Variants in CAMKMT observed in about 807,000 individuals in gnomAD.
CAMKMT encodes CaM KMT.
CAMKMT carries 53 observed loss-of-function variants against 48.0 expected under a neutral mutation model. The ratio of observed to expected loss-of-function variants is 1.10; its 90% CI spans 0.89 to 1.39. The LOEUF (loss-of-function observed/expected upper bound fraction) is 1.39, where lower values mean the gene tolerates loss of function less well. Ranked by LOEUF, CAMKMT falls within the 40% of genes most tolerant of loss-of-function variation. The pLI is 0.00. For synonymous variants in CAMKMT, 165 were observed against 152.3 expected (o/e 1.08, Z -0.61); for missense variants, 428 against 402.7 (o/e 1.06, Z -0.54).
chr2:44,472,103 C>A (rs1205658908), intron 3 of CAMKMT, among the ~76,000 whole-genome samples: 2 of 152,172 alleles, frequency 1.3e-5, no homozygotes, highest in Non-Finnish European at 2.9e-5. Flanking sequence ...TGGAGTCTCG[C>A]TCTGTTGCCC....
chr2:44,603,135 C>T (rs1671094757), intron 3 of CAMKMT, among the ~76,000 whole-genome samples: 1 of 152,060 alleles, frequency 6.6e-6, no homozygotes, highest in South Asian at 2.1e-4. Context: ...GTCACCCAGG[C>T]TGGAGTGCAG....
rs549145116 is a variant in CAMKMT at position 44,424,808 on chromosome 2, G to A, written c.376+34503G>A. On this transcript the variant is annotated intron_variant, in intron 3 of 10. Transcript: ENST00000378494. ...AGGGATAAAAGACTACAAATTGGGT[G>A]CAGTGTATACTGCTCGGGTGATGGG... Among the ~76,000 whole-genome samples, 3 of 152,298 alleles carry A rather than the reference G, an allele frequency of 2.0e-5. No individual in the cohort carries two copies. In the South Asian group the frequency reaches 6.2e-4, roughly 32 times the overall value.
In CAMKMT at chr2:44,362,032, G is replaced by T. The variant is rs1572611075; in HGVS notation, c.25G>T (p.Gly9Trp). Residue 9 changes from glycine (G) to tryptophan (W), a missense_variant, in exon 1 of 11, where the codon GGG (glycine) becomes TGG (tryptophan). Physicochemically the swap from Gly to Trp is radical, Grantham distance 184 (BLOSUM62 -2). Coordinates refer to ENST00000378494, the MANE Select transcript of CAMKMT (RefSeq NM_024766.5). ...GATGGAGTCGCGAGTCGCGGACGCTGGGACCGGCGAGACCGCGCGAGCAGC... is the reference window on the plus strand; with the variant it reads ...GATGGAGTCGCGAGTCGCGGACGCTTGGACCGGCGAGACCGCGCGAGCAGC... MESRVADA[G>W]TGETARAAGG... 2 of 1,421,786 alleles carry T rather than the reference G, an allele frequency of 1.4e-6. No homozygotes were observed. Among genetic ancestry groups the T allele is most frequent in the East Asian group, 3.0e-5 (1 of 33,122 alleles). The allele number at this position is 1,421,786 out of a possible 1,614,324, so 88.1% of individuals were successfully genotyped here.
intron 8 of CAMKMT, among the ~76,000 whole-genome samples, chr2:44,751,333 G>T (rs944037619): frequency 1.3e-5 from 2 of 152,188 alleles, no homozygotes; most frequent in Admixed American, 6.5e-5. Flanking sequence ...CCAAGCAGTG[G>T]CTCAGAGCAC....
chr2:44,769,924 G>A (rs548226937), intron 10 of CAMKMT, among the ~76,000 whole-genome samples: 1 of 152,310 alleles, frequency 6.6e-6, no homozygotes, highest in African/African-American at 2.4e-5. Flanking sequence ...GCCGTAGTAA[G>A]GCTGAGCGTG....
intron 3 of CAMKMT, among the ~76,000 whole-genome samples, chr2:44,539,955 A>G (rs1184852088): frequency 6.6e-6 from 1 of 152,160 alleles, no homozygotes; most frequent in Non-Finnish European, 1.5e-5. Flanking sequence ...TTTATAACTA[A>G]TAAGCAATCA....
chr2:44,416,656 CT>C (rs1232419922), intron 3 of CAMKMT, among the ~76,000 whole-genome samples: 2 of 146,146 alleles, frequency 1.4e-5, no homozygotes, highest in Non-Finnish European at 3.0e-5. Context: ...TCACTGCAAC[CT>C]GTGCCTCCTG....
At chr2:44,549,425 C>T in intron 3 of CAMKMT, 1 of 603,518 alleles carries the variant, frequency 1.7e-6, no homozygotes, top group African/African-American at 1.9e-5. Context: ...AAGAGAAGAA[C>T]CTCTCTCACA....
intron 3 of CAMKMT, among the ~76,000 whole-genome samples, chr2:44,399,110 G>C (rs534880407): frequency 6.6e-6 from 1 of 152,128 alleles, no homozygotes; most frequent in Admixed American, 6.5e-5. Flanking sequence ...GCTTGTCCTG[G>C]TATACTGGAT....
intron 7 of CAMKMT, among the ~76,000 whole-genome samples, chr2:44,718,197 A>G (rs1409751323): frequency 1.3e-5 from 2 of 152,136 alleles, no homozygotes; most frequent in Non-Finnish European, 2.9e-5. Flanking sequence ...CATAAGCACC[A>G]CCATCCTTGC....
intron 3 of CAMKMT, among the ~76,000 whole-genome samples, chr2:44,672,094 C>T (rs182896168): frequency 8.5e-5 from 13 of 152,286 alleles, no homozygotes; most frequent in East Asian, 1.9e-4. Context: ...CCTCCCCATC[C>T]GCCTCACTCC....
intron 3 of CAMKMT, among the ~76,000 whole-genome samples, chr2:44,402,300 G>A (rs1682444559): frequency 1.3e-5 from 1 of 78,218 alleles, no homozygotes; most frequent in African/African-American, 3.3e-5. Flanking sequence ...TTGCACCCCA[G>A]CTTGGGTGAC....
At chr2:44,735,212 T>C (rs1440998523) in intron 7 of CAMKMT, among the ~76,000 whole-genome samples, 1 of 152,216 alleles carries the variant, frequency 6.6e-6, no homozygotes, top group Non-Finnish European at 1.5e-5. Context: ...TTGTCCATCT[T>C]TTTACTTTTA....
At chr2:44,383,028 G>A (rs889215325) in intron 2 of CAMKMT, among the ~76,000 whole-genome samples, 2 of 152,076 alleles carry the variant, frequency 1.3e-5, no homozygotes, top group African/African-American at 2.4e-5. Flanking sequence ...TTCTTCTGAG[G>A]CCTCTTCCCT....
At chr2:44,421,129 A>T (rs762900211) in intron 3 of CAMKMT, among the ~76,000 whole-genome samples, 19 of 152,154 alleles carry the variant, frequency 1.2e-4, no homozygotes, top group Non-Finnish European at 2.6e-4. Flanking sequence ...ATTGAATTTC[A>T]AAACCATGGA....
intron 3 of CAMKMT, among the ~76,000 whole-genome samples, chr2:44,690,723 A>T (rs1208677859): frequency 1.3e-5 from 2 of 151,748 alleles, no homozygotes; most frequent in South Asian, 4.2e-4. Context: ...CGCCTGTAAT[A>T]CCAGCACTTT....
In CAMKMT at chr2:44,574,888, G is replaced by A. The variant is rs980883314; in HGVS notation, c.377-129395G>A. Reference sequence around the variant, plus strand: ...TCCAAGTAGCTGGGACTACAGGCATGAGCCACCACGCCCAGCTAACTGGCT... The same window carrying A: ...TCCAAGTAGCTGGGACTACAGGCATAAGCCACCACGCCCAGCTAACTGGCT... On this transcript the variant is annotated intron_variant, in intron 3 of 10. Coordinates refer to ENST00000378494, the MANE Select transcript of CAMKMT (RefSeq NM_024766.5). Among the ~76,000 whole-genome samples the A allele has an allele frequency of 8.6e-5, 13 of 150,648 alleles. No homozygotes were observed. In the East Asian group the frequency reaches 1.4e-3, roughly 16 times the overall value.
At chr2:44,577,921 C>T (rs1256100202) in intron 3 of CAMKMT, among the ~76,000 whole-genome samples, 3 of 152,190 alleles carry the variant, frequency 2.0e-5, no homozygotes, top group African/African-American at 7.2e-5. Context: ...AGACAGATCG[C>T]CTTTGTCCTA....
intron 3 of CAMKMT, among the ~76,000 whole-genome samples, chr2:44,612,882 T>A (rs567035699): frequency 2.0e-5 from 3 of 152,228 alleles, no homozygotes; most frequent in Non-Finnish European, 2.9e-5. Context: ...TCTCACTCAT[T>A]AACGTCATTG....
Sources: gnomAD v4.1 joint callset for allele counts (sites outside exome capture counted in the v4.1 genomes callset) on GRCh38, gnomAD v4.1.1 for gene constraint, MANE v1.5 for transcripts, NCBI Gene and HGNC (gene_info 2026-07-23, HGNC 2026-07-21) for gene names.